The following LMO7 variants were observed in gnomAD, a reference collection of about 807,000 sequenced individuals.
LMO7 encodes the protein LIM domain 7.
In LMO7, 120 loss-of-function variants were observed where a neutral mutation model predicts 206.5. That is an observed-to-expected ratio of 0.58 (90% CI 0.50 to 0.68). The LOEUF is 0.68. LMO7 is among the 30% of genes least tolerant of loss of function. The probability of loss-of-function intolerance (pLI) is 0.00; values close to 1 mark genes in which losing one functional copy is unlikely to be tolerated. For synonymous variants in LMO7, 706 were observed against 681.5 expected (o/e 1.04, Z -0.56); for missense variants, 1,959 against 1,957.9 (o/e 1.00, Z -0.01).
chr13:75,839,746 C>A, intron 20 of LMO7: 1 of 160,972 alleles, frequency 6.2e-6, no homozygotes, highest in Non-Finnish European at 1.2e-5. Context: ...TTTTTTTTTC[C>A]TGTTAGGCCA....
intron 3 of LMO7, among the ~76,000 whole-genome samples, chr13:75,746,884 T>C (rs2046884952): frequency 6.6e-6 from 1 of 152,088 alleles, no homozygotes; most frequent in Non-Finnish European, 1.5e-5. Context: ...ACATGCTCAA[T>C]TTCAAGAAGC....
At position 75,853,130 on chromosome 13, in the gene LMO7, A is replaced by G. The variant is rs1353956476; in HGVS notation, c.4403A>G (p.Asn1468Ser). ...SLDNLDSPRS[N>S]SWRQPPWLNQ... Reference sequence around the variant, plus strand: ...GATAACCTGGACTCCCCCCGATCCAATTCTTGGAGACAGCCTCCTTGGCTC... The same window carrying G: ...GATAACCTGGACTCCCCCCGATCCAGTTCTTGGAGACAGCCTCCTTGGCTC... Residue 1468 changes from asparagine (N) to serine (S), a missense_variant, in exon 28 of 31, where the codon AAT becomes AGT. Coordinates refer to ENST00000377534, the MANE Select transcript of LMO7 (RefSeq NM_001306080.2). The G allele has an allele frequency of 1.5e-5, 24 of 1,613,032 alleles. No homozygotes were observed. Among genetic ancestry groups the G allele is most frequent in the Non-Finnish European group, 1.7e-5 (20 of 1,179,384 alleles).
intron 4 of LMO7, among the ~76,000 whole-genome samples, chr13:75,780,032 T>C (rs1247838274): frequency 6.6e-6 from 1 of 151,988 alleles, no homozygotes; most frequent in Non-Finnish European, 1.5e-5. Context: ...AGTATACAAA[T>C]AGGGTATGGG....
Position 75,839,935 on chromosome 13 carries a change from G to T in LMO7, c.3452-150G>T, listed in dbSNP as rs553272824. 109 of 658,082 alleles carry T rather than the reference G, an allele frequency of 1.7e-4. 2 individuals are homozygous for T. The South Asian group carries it at 2.3e-3, about 14-fold the overall frequency. 40.8% of individuals were successfully genotyped at this position (658,082 alleles called of 1,614,324 possible). A position where few individuals can be genotyped will look rare whatever the true frequency, so the allele number is the denominator to read the frequency against. ...GGAACTGTTACACCTGGAGAAAAAA[G>T]GATTTACTGACTATTGTTTAAAAAA... On this transcript the variant is annotated intron_variant, in intron 20 of 30. Coordinates refer to ENST00000377534, the MANE Select transcript of LMO7 (RefSeq NM_001306080.2).
At chr13:75,784,034 C>G (rs2140393615) in intron 4 of LMO7, among the ~76,000 whole-genome samples, 1 of 152,216 alleles carries the variant, frequency 6.6e-6, no homozygotes, top group East Asian at 1.9e-4. Context: ...TTGTACCCCC[C>G]TTCCCTTGGC....
intron 29 of LMO7, among the ~76,000 whole-genome samples, chr13:75,856,265 T>G (rs901770428): frequency 7.9e-5 from 12 of 152,204 alleles, no homozygotes; most frequent in Non-Finnish European, 1.5e-4. Flanking sequence ...TTTCTATTTT[T>G]GGGGAGTATA....
In LMO7 at chr13:75,819,486, G is replaced by C. The variant is rs367779588; in HGVS notation, c.2158G>C (p.Glu720Gln). 1 of 1,613,330 alleles carries C rather than the reference G, an allele frequency of 6.2e-7. No homozygotes were observed. The highest frequency in any genetic ancestry group is 8.5e-7 in the Non-Finnish European group (1 of 1,179,798). The change falls in exon 13 of 31, where the codon GAG becomes CAG. Residue 720 changes from glutamate (E) to glutamine (Q), a missense_variant. Transcript: ENST00000377534. ...EREEIEKQAL[E>Q]KSKRSSKTFK... is the part of the protein sequence containing the mutation. ...AGAAGAAATTGAAAAGCAGGCACTT[G>C]AGAAGTCTAAGAGAAGCTCTAAGAC...
At position 75,804,455 on chromosome 13, in the gene LMO7, G is replaced by A. The variant is rs1454156169; in HGVS notation, c.828G>A (p.Leu276=). The A allele has an allele frequency of 1.2e-6, 2 of 1,614,148 alleles. No homozygotes were observed. Among genetic ancestry groups the A allele is most frequent in the South Asian group, 2.2e-5 (2 of 91,074 alleles). ...SRQPSYVPAP[L]RKKKPDKHED... Reference sequence around the variant, plus strand: ...AGCCATCCTATGTACCAGCACCTCTGAGAAAGAAAAAGCCAGACAAACATG... The same window carrying A: ...AGCCATCCTATGTACCAGCACCTCTAAGAAAGAAAAAGCCAGACAAACATG... Residue 276 remains leucine, a synonymous_variant, in exon 8 of 31, where the codon CTG becomes CTA. Transcript: ENST00000377534.
At chr13:75,776,162 G>GATATATATATATCGGATAT in intron 4 of LMO7, among the ~76,000 whole-genome samples, 1 of 36,852 alleles carries the variant, frequency 2.7e-5, no homozygotes, top group East Asian at 1.2e-3. Context: ...ATATATATCG[G>GATATATATATATCGGATAT]ATATATATAT....
intron 1 of LMO7, among the ~76,000 whole-genome samples, chr13:75,654,876 C>CTTT (rs60476451): frequency 0.48 from 67,722 of 140,842 alleles, 16,733 homozygotes; most frequent in Admixed American, 0.59. Flanking sequence ...TCTCTTCTCT[C>CTTT]TTTTTTTTTT....
Position 75,821,532 on chromosome 13 carries a change from A to G in LMO7, c.2563A>G (p.Arg855Gly). ...PRSYRKTDTV[R>G]LTSVVTPRPF... ...AAGTTACCGGAAAACTGATACAGTCAGGTTAACATCTGTGGTCACACCAAG... is the reference window on the plus strand; with the variant it reads ...AAGTTACCGGAAAACTGATACAGTCGGGTTAACATCTGTGGTCACACCAAG... Residue 855 changes from arginine to glycine, a missense_variant, in exon 14 of 31, where the codon AGG (arginine) becomes GGG (glycine). By Grantham distance (125) the Arg-to-Gly change is moderately radical. Coordinates refer to ENST00000377534, the MANE Select transcript of LMO7 (RefSeq NM_001306080.2). The G allele has an allele frequency of 6.2e-7, 1 of 1,614,026 alleles. No homozygotes were observed. The highest frequency in any genetic ancestry group is 8.5e-7 in the Non-Finnish European group (1 of 1,179,906).
intron 3 of LMO7, among the ~76,000 whole-genome samples, chr13:75,736,435 G>T (rs939794159): frequency 6.6e-6 from 1 of 152,234 alleles, no homozygotes; most frequent in Non-Finnish European, 1.5e-5. Flanking sequence ...ATGCCTGGAA[G>T]GGTTGTTATG....
chr13:75,658,221 T>A (rs1350772273), intron 1 of LMO7, among the ~76,000 whole-genome samples: 2 of 152,218 alleles, frequency 1.3e-5, no homozygotes, highest in Non-Finnish European at 2.9e-5. Flanking sequence ...AGTATCACTA[T>A]TTTTTATTGG....
At chr13:75,653,472 C>G (rs1031568890) in intron 1 of LMO7, among the ~76,000 whole-genome samples, 3 of 152,178 alleles carry the variant, frequency 2.0e-5, no homozygotes, top group Non-Finnish European at 4.4e-5. Context: ...AGGGAGGTGC[C>G]AAACCATACA....
At chr13:75,696,524 A>G (rs2041917631) in intron 1 of LMO7, among the ~76,000 whole-genome samples, 1 of 152,184 alleles carries the variant, frequency 6.6e-6, no homozygotes, top group African/African-American at 2.4e-5. Context: ...ACTTAGTAGT[A>G]GGTCTCTCAG....
At chr13:75,790,259 A>G (rs1045682700) in intron 4 of LMO7, among the ~76,000 whole-genome samples, 1 of 152,166 alleles carries the variant, frequency 6.6e-6, no homozygotes, top group Non-Finnish European at 1.5e-5. Flanking sequence ...GCTGAGATGG[A>G]TAATTAAGGA....
intron 4 of LMO7, among the ~76,000 whole-genome samples, chr13:75,784,048 A>G (rs1214525193): frequency 2.0e-5 from 3 of 152,028 alleles, no homozygotes; most frequent in Admixed American, 6.6e-5. Flanking sequence ...CCTTGGCCCC[A>G]TGACATTTGA....
At chr13:75,656,894 G>A (rs373946294) in intron 1 of LMO7, among the ~76,000 whole-genome samples, 1 of 152,164 alleles carries the variant, frequency 6.6e-6, no homozygotes, top group Non-Finnish European at 1.5e-5. Context: ...ATATTACACT[G>A]CTCTGTGTCC....
chr13:75,633,147 G>A (rs1195317762), upstream of LMO7, among the ~76,000 whole-genome samples: 1 of 152,070 alleles, frequency 6.6e-6, no homozygotes, highest in Non-Finnish European at 1.5e-5. Context: ...ACAGGTGTGA[G>A]CCACTGTGCC....
Sources: gnomAD v4.1 joint callset for allele counts (sites outside exome capture counted in the v4.1 genomes callset) on GRCh38, gnomAD v4.1.1 for gene constraint, MANE v1.5 for transcripts, NCBI Gene and HGNC (gene_info 2026-07-23, HGNC 2026-07-21) for gene names.